Variants in FNBP1L observed in about 807,000 individuals in gnomAD.
The protein encoded by FNBP1L is formin binding protein 1 like.
In FNBP1L, 36 loss-of-function variants were observed where a neutral mutation model predicts 91.2. That is an observed-to-expected ratio of 0.39 (90% CI 0.30 to 0.52). The LOEUF (loss-of-function observed/expected upper bound fraction) is 0.52. Ranked by LOEUF, FNBP1L falls within the 20% of genes least tolerant of loss-of-function variation. FNBP1L has a pLI of 0.66. For missense variants in FNBP1L, 571 were observed against 732.1 expected (o/e 0.78, Z 2.54); for synonymous variants, 242 against 237.0 (o/e 1.02, Z -0.19).
chr1:93,506,743 T>C (rs947968898), intron 2 of FNBP1L, among the ~76,000 whole-genome samples: 14 of 152,170 alleles, frequency 9.2e-5, no homozygotes, highest in African/African-American at 3.4e-4. Flanking sequence ...GGCACTTAGC[T>C]GCAAAATGTT....
At chr1:93,546,421 C>T (rs1390145840) in intron 12 of FNBP1L, among the ~76,000 whole-genome samples, 1 of 152,006 alleles carries the variant, frequency 6.6e-6, no homozygotes, top group East Asian at 1.9e-4. Flanking sequence ...CTATTTCTAG[C>T]AGAGGTGAGT....
At chr1:93,497,336 A>G (rs1025192660) in intron 1 of FNBP1L, among the ~76,000 whole-genome samples, 3 of 152,242 alleles carry the variant, frequency 2.0e-5, no homozygotes, top group African/African-American at 7.2e-5. Flanking sequence ...ACAAATTGGC[A>G]TCAAATAAAT....
At chr1:93,547,533 A>G in intron 14 of FNBP1L, 92 bp downstream of exon 14, 1 of 1,094,676 alleles carries the variant, frequency 9.1e-7, no homozygotes, top group Non-Finnish European at 1.3e-6. Context: ...TTTCTTCCAA[A>G]TTTAACAAGT....
At chr1:93,474,857 T>G (rs1669437193) in intron 1 of FNBP1L, among the ~76,000 whole-genome samples, 1 of 152,194 alleles carries the variant, frequency 6.6e-6, no homozygotes, top group Non-Finnish European at 1.5e-5. Flanking sequence ...TCACTGTAGT[T>G]CTCATTCTCA....
chr1:93,508,870 T>C (rs993076349), intron 2 of FNBP1L, among the ~76,000 whole-genome samples: 1 of 152,202 alleles, frequency 6.6e-6, no homozygotes, highest in African/African-American at 2.4e-5. Flanking sequence ...GAGAAGTGTT[T>C]AGGATCTTTC....
intron 1 of FNBP1L, among the ~76,000 whole-genome samples, chr1:93,485,585 A>G (rs1416830163): frequency 6.6e-6 from 1 of 152,162 alleles, no homozygotes; most frequent in African/African-American, 2.4e-5. Context: ...CCTTTCCACT[A>G]AGTATATTTT....
intron 2 of FNBP1L, among the ~76,000 whole-genome samples, chr1:93,506,229 C>T (rs756999809): frequency 2.6e-5 from 4 of 152,214 alleles, no homozygotes; most frequent in African/African-American, 4.8e-5. Flanking sequence ...ATCTGAAACA[C>T]CGCCAAAGCC....
rs146501284 is a variant in FNBP1L, at chr1:93,501,510, CTTA to C, written c.140+1931_140+1933del. On this transcript the variant is annotated intron_variant, in intron 2 of 16. Transcript: ENST00000271234. ...ACCCACTCTCAAAAAGTGATCCAGT[CTTA>C]TTAGAGTGAGAACGCAACTCACTAC... is the stretch of plus-strand genomic sequence containing the variant. 2.6e-5 allele frequency among the ~76,000 whole-genome samples: 4 copies of C among 152,218 alleles called. No homozygotes were observed. The East Asian group carries it at 7.7e-4, about 29-fold the overall frequency.
Position 93,448,321 on chromosome 1 carries a change from G to A in FNBP1L, c.24+16G>A, listed in dbSNP as rs1243575395. 2 of 1,505,546 alleles carry A rather than the reference G, an allele frequency of 1.3e-6. No individual in the cohort carries two copies. The highest frequency in any genetic ancestry group is 1.3e-5 in the South Asian group (1 of 79,654). The allele number at this position is 1,505,546 out of a possible 1,614,324, so 93.3% of individuals were successfully genotyped here. ...GGAGCTGTGGGTGAGTCGGGGAGAG[G>A]GGCGCCCCGCACGGACCCCGGCCCC... On this transcript the variant is annotated intron_variant, in intron 1 of 16. Coordinates refer to ENST00000271234, the MANE Select transcript of FNBP1L (RefSeq NM_001164473.3).
chr1:93,466,072 A>G (rs566015094), intron 1 of FNBP1L, among the ~76,000 whole-genome samples: 2 of 151,622 alleles, frequency 1.3e-5, no homozygotes, highest in African/African-American at 4.8e-5. Flanking sequence ...TTTCTTGTAA[A>G]TTTGTTTCTT....
chr1:93,449,633 G>T (rs1304986519), intron 1 of FNBP1L, among the ~76,000 whole-genome samples: 1 of 152,140 alleles, frequency 6.6e-6, no homozygotes, highest in East Asian at 1.9e-4. Context: ...GCAACATTCT[G>T]TACAAGTGCT....
At chr1:93,551,521 T>C in intron 16 of FNBP1L, 5 of 986,138 alleles carry the variant, frequency 5.1e-6, no homozygotes, top group Non-Finnish European at 6.0e-6. Context: ...TGAAATGCTA[T>C]GGAAAGCCGA....
At chr1:93,533,865 TGCTGAGGGTAGCA>T (rs2101761331) in intron 8 of FNBP1L, among the ~76,000 whole-genome samples, 1 of 152,316 alleles carries the variant, frequency 6.6e-6, no homozygotes, top group South Asian at 2.1e-4. Flanking sequence ...AGCAAATTAT[TGCTGAGGGTAGCA>T]TTACTGACAA....
chr1:93,552,475 G>A lies in FNBP1L; in HGVS notation c.*59G>A, dbSNP rs1232106703. 6 of 1,602,450 alleles carry A rather than the reference G, an allele frequency of 3.7e-6. No homozygotes were observed. The East Asian group carries it at 1.1e-4, about 30-fold the overall frequency. ...AGGAGGTTACATGCAGCTGCTTTTG[G>A]GGGAGGGTATTAGAGTTGTCAGGCT... On this transcript the variant is annotated 3_prime_UTR_variant, in exon 17 of 17. Transcript: ENST00000271234.
At chr1:93,514,882 C>T (rs965978930) in intron 2 of FNBP1L, among the ~76,000 whole-genome samples, 2 of 151,998 alleles carry the variant, frequency 1.3e-5, no homozygotes, top group Non-Finnish European at 2.9e-5. Context: ...TCTAAAACAC[C>T]AAAAGCAATG....
intron 1 of FNBP1L, among the ~76,000 whole-genome samples, chr1:93,480,104 G>A (rs561568278): frequency 1.2e-4 from 19 of 152,244 alleles, no homozygotes; most frequent in Middle Eastern, 3.4e-3. Flanking sequence ...TTCCTCTGCC[G>A]CGGCTTCAGC....
intron 2 of FNBP1L, among the ~76,000 whole-genome samples, chr1:93,514,919 G>C (rs1409339180): frequency 1.3e-5 from 2 of 152,122 alleles, no homozygotes; most frequent in African/African-American, 2.4e-5. Context: ...TTGACAAATG[G>C]GATCGAATTA....
chr1:93,523,685 C>G (rs1671405961), intron 4 of FNBP1L, among the ~76,000 whole-genome samples, 194 bp downstream of exon 4: 1 of 152,182 alleles, frequency 6.6e-6, no homozygotes. Flanking sequence ...AAACTACAGC[C>G]TATGGGCCAG....
intron 1 of FNBP1L, among the ~76,000 whole-genome samples, chr1:93,469,476 C>A (rs991472570): frequency 6.6e-6 from 1 of 152,202 alleles, no homozygotes; most frequent in South Asian, 2.1e-4. Flanking sequence ...TTATCTTTAT[C>A]CAGTCTATTA....
Sources: gnomAD v4.1 joint callset for allele counts (sites outside exome capture counted in the v4.1 genomes callset) on GRCh38, gnomAD v4.1.1 for gene constraint, MANE v1.5 for transcripts, NCBI Gene and HGNC (gene_info 2026-07-23, HGNC 2026-07-21) for gene names.